Variants in NDST2 observed in about 807,000 individuals in gnomAD.
The protein encoded by NDST2 is N-deacetylase and N-sulfotransferase 2.
A neutral mutation model predicts 86.9 loss-of-function variants in NDST2; 32 were observed. The observed-to-expected ratio is 0.37, with a 90% confidence interval of 0.28 to 0.49. The LOEUF is 0.49. NDST2 is among the 20% of genes least tolerant of loss of function. The pLI, the probability that NDST2 is intolerant of heterozygous loss-of-function variation, is 0.97. For synonymous variants in NDST2, 409 were observed against 437.0 expected, an observed-to-expected ratio of 0.94 and a Z score of 0.80; for missense variants, 950 against 1,146.9, an observed-to-expected ratio of 0.83 and a Z score of 2.48.
intron 9 of NDST2, 134 bp from the exon 10 acceptor site, chr10:73,804,150 G>A: frequency 1.0e-6 from 1 of 990,112 alleles, no homozygotes; most frequent in South Asian, 1.6e-5. Flanking sequence ...TACAATGATA[G>A]GAGGCAAGTC....
In NDST2 at chr10:73,808,749, G is replaced by C. The variant is rs73276605; in HGVS notation, c.-341-20C>G. 0.021 allele frequency: 4,363 copies of C among 207,428 alleles called. 189 individuals are homozygous for C. The highest frequency in any genetic ancestry group is 0.094 in the African/African-American group (4,067 of 43,296). The allele number at this position is 207,428 out of a possible 1,614,324, so 12.8% of individuals were successfully genotyped here. A position where few individuals can be genotyped will look rare whatever the true frequency, so the allele number is the denominator to read the frequency against. ...CTCTACCTGTAAGACAGAGAAATCA[G>C]TGGGTTACTCCTCCCTCTGAAATTG... On this transcript the variant is annotated intron_variant, in intron 2 of 14. Coordinates refer to ENST00000309979, the MANE Select transcript of NDST2 (RefSeq NM_003635.4). The surrounding 1 kb of genome is among the most constrained non-coding windows in gnomAD (Gnocchi z 4.3).
rs756855745 is a variant in NDST2 at position 73,806,797 on chromosome 10, C to T, written c.1108G>A (p.Asp370Asn). 1.2e-6 allele frequency: 2 copies of T among 1,613,916 alleles called. No homozygotes were observed. The change falls in exon 5 of 15, where the codon GAT (aspartate) becomes AAT (asparagine). Residue 370 changes from aspartate to asparagine, a missense_variant. Coordinates refer to ENST00000309979, the MANE Select transcript of NDST2 (RefSeq NM_003635.4). The surrounding 1 kb of genome is among the most constrained non-coding windows in gnomAD (Gnocchi z 4.5). ...KFYHTGTEEE[D>N]AGDDMLLKHR... ...TTCAGCAGCATGTCGTCCCCTGCATCCTCCTCCTCTGTCCCTATGACCACA... is the reference window on the plus strand; with the variant it reads ...TTCAGCAGCATGTCGTCCCCTGCATTCTCCTCCTCTGTCCCTATGACCACA...
rs751982453 is a variant in NDST2, at chr10:73,806,458, G to A, written c.1265C>T (p.Thr422Met). Residue 422 changes from threonine (T) to methionine (M), a missense_variant, in exon 6 of 15, where the codon ACG becomes ATG. Physicochemically the swap from Thr to Met is moderately conservative, Grantham distance 81 (BLOSUM62 -1). This residue lies in a region of NDST2 where 586 missense variants were observed against 714.0 expected (regional missense o/e 0.82). Coordinates refer to ENST00000309979, the MANE Select transcript of NDST2 (RefSeq NM_003635.4). The surrounding 1 kb of genome is among the most constrained non-coding windows in gnomAD (Gnocchi z 4.5). ...KQFALEHGIPTDLGYAVAPHH... is the reference protein window; with the variant it reads ...KQFALEHGIPMDLGYAVAPHH... ...GGGGGCCACAGCATACCCCAGGTCC[G>A]TGGGAATCCCATGCTCCTGGGAATG... is the stretch of plus-strand genomic sequence containing the variant. 1.0e-5 allele frequency: 16 copies of A among 1,593,294 alleles called. No homozygotes were observed. The East Asian group carries it at 1.6e-4, about 16-fold the overall frequency.
rs972500654 is a variant in NDST2 at position 73,807,287 on chromosome 10, G to C, written c.1006-92C>G. 1.7e-5 allele frequency: 27 copies of C among 1,566,088 alleles called. No homozygotes were observed. The African/African-American group carries it at 3.0e-4, about 17-fold the overall frequency. ...GCATTCTTCCTGCCTGGAAAGGCAG[G>C]GAGTGTACCTATGACAAGCTCAGAA... On this transcript the variant is annotated intron_variant, in intron 3 of 14. Transcript: ENST00000309979.
Position 73,803,181 on chromosome 10 carries a change from G to T in NDST2, c.2313+8C>A, listed in dbSNP as rs1368665671. 3 of 1,614,208 alleles carry T rather than the reference G, an allele frequency of 1.9e-6. No individual in the cohort carries two copies. The highest frequency in any genetic ancestry group is 1.1e-5 in the South Asian group (1 of 91,080). Reference sequence around the variant, plus strand: ...GAACCCCACTGAGGGCTCTTGTGGGGATTATACCTGTCCAGAGGGGTAGTA... The same window carrying T: ...GAACCCCACTGAGGGCTCTTGTGGGTATTATACCTGTCCAGAGGGGTAGTA... On this transcript the variant is annotated splice_region_variant and intron_variant, in intron 12 of 14. Transcript: ENST00000309979.
At chr10:73,810,434 G>C (rs1350564987) in intron 2 of NDST2, among the ~76,000 whole-genome samples, 1 of 151,812 alleles carries the variant, frequency 6.6e-6, no homozygotes, top group Admixed American at 6.6e-5. Context: ...CTCCAGCCTG[G>C]GTGACAGAGC....
intron 11 of NDST2, 43 bp downstream of exon 11, chr10:73,803,529 CCT>C: frequency 3.2e-6 from 2 of 633,062 alleles, no homozygotes; most frequent in Non-Finnish European, 5.6e-6. Context: ...TCCCCTCCCC[CCT>C]CCCCCCAACC....
At chr10:73,805,129 G>A (rs549569683) in intron 8 of NDST2, among the ~76,000 whole-genome samples, 3 of 151,992 alleles carry the variant, frequency 2.0e-5, no homozygotes, top group South Asian at 2.1e-4. Context: ...TCAGACTCCT[G>A]ACCTCAGGTG....
chr10:73,808,298 T>C lies in NDST2; in HGVS notation c.91A>G (p.Met31Val), dbSNP rs1473430325. The change falls in exon 3 of 15, where the codon ATG becomes GTG. Residue 31 changes from methionine (M) to valine (V), a missense_variant. Met to Val is a conservative substitution (Grantham distance 21). Coordinates refer to ENST00000309979, the MANE Select transcript of NDST2 (RefSeq NM_003635.4). The surrounding 1 kb of genome is among the most constrained non-coding windows in gnomAD (Gnocchi z 4.3). ...GACACATAATAAGCCAGGAAGCCCATGGAGCCCAGGCTGAAAGCGATCAGC... is the reference window on the plus strand; with the variant it reads ...GACACATAATAAGCCAGGAAGCCCACGGAGCCCAGGCTGAAAGCGATCAGC... The part of the protein sequence containing the change: ...LLLIAFSLGS[M>V]GFLAYYVSTS... The C allele has an allele frequency of 1.9e-6, 3 of 1,596,142 alleles. No homozygotes were observed. Among genetic ancestry groups the C allele is most frequent in the African/African-American group, 1.3e-5 (1 of 74,394 alleles).
intron 8 of NDST2, 33 bp from the exon 9 acceptor site, chr10:73,804,902 A>ATTTT (rs112868774): frequency 1.3e-4 from 127 of 982,986 alleles, no homozygotes; most frequent in Middle Eastern, 6.3e-4. Context: ...GATAAGGCCT[A>ATTTT]TTTTTTTTTT....
intron 10 of NDST2, 21 bp from the exon 11 acceptor site, chr10:73,803,769 G>C: frequency 1.9e-6 from 3 of 1,613,824 alleles, no homozygotes; most frequent in Non-Finnish European, 2.5e-6. Context: ...GCACAGAAGA[G>C]AGAGAAGCAG....
At position 73,803,968 on chromosome 10, in the gene NDST2, C is replaced by T; in HGVS notation, c.1892G>A (p.Ser631Asn). ...FFLSLHPAVT[S>N]SFPSPSTFEE... ...AAATGTGCTGGGGCTAGGGAAGCTGCTAGTTACAGCTGGGTGCAGGCTCAG... is the reference window on the plus strand; with the variant it reads ...AAATGTGCTGGGGCTAGGGAAGCTGTTAGTTACAGCTGGGTGCAGGCTCAG... Residue 631 changes from serine (S) to asparagine (N), a missense_variant, in exon 10 of 15, where the codon AGC (serine) becomes AAC (asparagine). Physicochemically the swap from Ser to Asn is conservative, Grantham distance 46. Coordinates refer to ENST00000309979, the MANE Select transcript of NDST2 (RefSeq NM_003635.4). 2 of 1,614,082 alleles carry T rather than the reference C, an allele frequency of 1.2e-6. No individual in the cohort carries two copies. The highest frequency in any genetic ancestry group is 4.5e-5 in the East Asian group (2 of 44,882).
rs2084034712 is a variant in NDST2, at chr10:73,803,279, C to A, written c.2223G>T (p.Leu741=). 1.9e-6 allele frequency: 3 copies of A among 1,614,154 alleles called. No homozygotes were observed. The highest frequency in any genetic ancestry group is 2.5e-6 in the Non-Finnish European group (3 of 1,180,018). Residue 741 remains leucine (L), a synonymous_variant, in exon 12 of 15, where the codon CTG becomes CTT. Transcript: ENST00000309979. ...AGCGGTTCTGCAGGGAGCGTAGTGC[C>A]AGAGGGGTCTGGGAGGAGGCTGAAA... ...QVISASSQTP[L]ALRSLQNRCL...
chr10:73,805,365 T>C (rs2084081750), intron 8 of NDST2, among the ~76,000 whole-genome samples: 1 of 151,802 alleles, frequency 6.6e-6, no homozygotes, highest in South Asian at 2.1e-4. Context: ...ATACAAAAAA[T>C]TAGCCGGGCG....
Position 73,807,429 on chromosome 10 carries a change from G to C in NDST2, c.960C>G (p.Ile320Met), listed in dbSNP as rs1263058255. ...TGCGGGTCCCTTCCTTGCCCACAAA[G>C]ATGTCATCGATGTCTACCAAGATGT... ...DRYILVDIDD[I>M]FVGKEGTRMK... Residue 320 changes from isoleucine (I) to methionine (M), a missense_variant, in exon 3 of 15, where the codon ATC (isoleucine) becomes ATG (methionine). Coordinates refer to ENST00000309979, the MANE Select transcript of NDST2 (RefSeq NM_003635.4). 6.2e-7 allele frequency: 1 copy of C among 1,614,218 alleles called. No individual in the cohort carries two copies. The highest frequency in any genetic ancestry group is 8.5e-7 in the Non-Finnish European group (1 of 1,180,042).
Position 73,802,726 on chromosome 10 carries a change from G to A in NDST2, c.2474C>T (p.Thr825Ile), listed in dbSNP as rs770361864. 3.2e-5 allele frequency: 52 copies of A among 1,614,040 alleles called. 1 individual carries two copies. The South Asian group carries it at 5.4e-4, about 17-fold the overall frequency. ...GCCTTTGCTCCGGCCTAGACAGCGA[G>A]TCTTACCACCTTCAAGTCCCTGGCA... ...FWCQGLEGGK[T>I]RCLGRSKGRR... Residue 825 changes from threonine (T) to isoleucine (I), a missense_variant, in exon 14 of 15, where the codon ACT (threonine) becomes ATT (isoleucine). By Grantham distance (89) the Thr-to-Ile change is moderately conservative (BLOSUM62 -1). Coordinates refer to ENST00000309979, the MANE Select transcript of NDST2 (RefSeq NM_003635.4).
rs553139353 is a variant in NDST2, at chr10:73,807,614, G to T, written c.775C>A (p.Arg259=). The T allele has an allele frequency of 2.5e-6, 4 of 1,614,232 alleles. No individual in the cohort carries two copies. Among genetic ancestry groups the T allele is most frequent in the Non-Finnish European group, 3.4e-6 (4 of 1,180,042 alleles). The stretch of plus-strand genomic sequence containing the variant: ...TGTACCACAGTGGGAAGCCGGGCCC[G>T]ACGAAGAACTGGTCCTGGCACTGCG... ...EPAVPGPVLR[R]ARLPTVVQDL... is the part of the protein sequence containing the mutation. The change falls in exon 3 of 15, where the codon CGG becomes AGG. Residue 259 remains arginine (R), a synonymous_variant. Transcript: ENST00000309979.
chr10:73,807,368 A>T lies in NDST2; in HGVS notation c.1005+16T>A. 1 of 1,609,206 alleles carries T rather than the reference A, an allele frequency of 6.2e-7. No homozygotes were observed. Among genetic ancestry groups the T allele is most frequent in the East Asian group, 2.2e-5 (1 of 44,796 alleles). Reference sequence around the variant, plus strand: ...TGAATAGCTTCTAAGAAAAAAATTTAAGTAACAAGACTGACCTCAACATCA... The same window carrying T: ...TGAATAGCTTCTAAGAAAAAAATTTTAGTAACAAGACTGACCTCAACATCA... On this transcript the variant is annotated intron_variant, in intron 3 of 14. Coordinates refer to ENST00000309979, the MANE Select transcript of NDST2 (RefSeq NM_003635.4).
At chr10:73,804,241 C>T (rs1210626516) in intron 9 of NDST2, among the ~76,000 whole-genome samples, 1 of 152,220 alleles carries the variant, frequency 6.6e-6, no homozygotes, top group Non-Finnish European at 1.5e-5. Context: ...CTTGTAAAAA[C>T]ACCACAGATG....
Sources: gnomAD v4.1 joint callset for allele counts (sites outside exome capture counted in the v4.1 genomes callset) on GRCh38, gnomAD v4.1.1 for gene constraint, gnomAD v4.1.1 regional missense constraint, Gnocchi (gnomAD v3.1) non-coding constraint, MANE v1.5 for transcripts, NCBI Gene and HGNC (gene_info 2026-07-23, HGNC 2026-07-21) for gene names.